Variants in RBM33 observed in about 807,000 individuals in gnomAD.
RBM33 encodes RNA-binding protein 33.
In RBM33, 28 loss-of-function variants were observed where a neutral mutation model predicts 132.6. That is an observed-to-expected ratio of 0.21 (90% CI 0.16 to 0.29). RBM33 has a LOEUF of 0.29. Among genes scored for constraint, RBM33 ranks in the 10% least tolerant of loss-of-function variants. RBM33 has a pLI of 1.00. For synonymous variants in RBM33, 634 were observed against 593.0 expected (o/e 1.07, Z -1.01); for missense variants, 1,291 against 1,518.5 (o/e 0.85, Z 2.49).
At chr7:155,658,458 G>A (rs1798552114) in intron 1 of RBM33, among the ~76,000 whole-genome samples, 3 of 148,396 alleles carry the variant, frequency 2.0e-5, no homozygotes, top group Admixed American at 6.7e-5. Flanking sequence ...CGTGATCTTG[G>A]CCCACTGCAA....
At chr7:155,773,568 CAAAAAAAAAAAAAAAAAA>C (rs201127157) in intron 16 of RBM33, among the ~76,000 whole-genome samples, 4,125 of 50,584 alleles carry the variant, frequency 0.082, 178 homozygotes, top group Admixed American at 0.14. Context: ...ACTCCATCTC[CAAAAAAAAAAAAAAAAAA>C]AAAAAAAAAG....
intron 5 of RBM33, among the ~76,000 whole-genome samples, chr7:155,682,424 T>C (rs1414633734): frequency 6.6e-6 from 1 of 152,222 alleles, no homozygotes; most frequent in African/African-American, 2.4e-5. Flanking sequence ...GGTGTGTTTG[T>C]ATGCTCTTAA....
intron 2 of RBM33, 85 bp downstream of exon 2, chr7:155,665,338 G>T: frequency 8.3e-7 from 1 of 1,205,820 alleles, no homozygotes; most frequent in South Asian, 1.2e-5. Flanking sequence ...TTTACTGAAC[G>T]CAGCACCTTG....
rs564204449 is a variant in RBM33 at position 155,698,277 on chromosome 7, G to C, written c.568-2496G>C. ...AGCTACTCGGGAGGCTGAAGCAGGA[G>C]AATTGCTTGAACCTGGGAGGCAGAG... On this transcript the variant is annotated intron_variant, in intron 5 of 17. Coordinates refer to ENST00000401878, the MANE Select transcript of RBM33 (RefSeq NM_053043.3). 1.4e-3 allele frequency among the ~76,000 whole-genome samples: 216 copies of C among 152,248 alleles called. 4 individuals carry two copies. The highest frequency in any genetic ancestry group is 5.0e-3 in the African/African-American group (206 of 41,540).
chr7:155,745,227 A>C lies in RBM33; in HGVS notation c.2604A>C (p.Gln868His). ...CCTTTCCAGGTGCACAGGTCAGACA[A>C]AATGTGAAGAACAGACTTCTTGTTA... ...LLPFPGAQVR[Q>H]NVKNRLLVKN... Residue 868 changes from glutamine to histidine, a missense_variant, in exon 14 of 18, where the codon CAA (glutamine) becomes CAC (histidine). By Grantham distance (24) the Gln-to-His change is conservative. This residue lies in a region of RBM33 where 841 missense variants were observed against 912.0 expected (regional missense o/e 0.92). Transcript: ENST00000401878. This position sits in a 1 kb window ranked among gnomAD's most constrained non-coding sequence, Gnocchi z 4.1. 1 of 1,612,646 alleles carries C rather than the reference A, an allele frequency of 6.2e-7. No individual in the cohort carries two copies. Among genetic ancestry groups the C allele is most frequent in the Non-Finnish European group, 8.5e-7 (1 of 1,179,248 alleles).
chr7:155,663,914 T>C (rs1485386037), intron 1 of RBM33, among the ~76,000 whole-genome samples: 1 of 152,202 alleles, frequency 6.6e-6, no homozygotes, highest in Non-Finnish European at 1.5e-5. Context: ...AAAGATAACT[T>C]TGTCAGGTGC....
Position 155,775,023 on chromosome 7 carries a change from G to C in RBM33, c.3495G>C (p.Val1165=). 6.2e-7 allele frequency: 1 copy of C among 1,613,404 alleles called. No homozygotes were observed. Among genetic ancestry groups the C allele is most frequent in the Non-Finnish European group, 8.5e-7 (1 of 1,179,448 alleles). Residue 1165 remains valine, a synonymous_variant, in exon 18 of 18, where the codon GTG becomes GTC. Transcript: ENST00000401878. ...RHMIDLSHIN[V]ALIVE Reference sequence around the variant, plus strand: ...TGATAGATTTGTCCCACATAAATGTGGCCCTGATCGTGGAGTGAGTCCTAA... The same window carrying C: ...TGATAGATTTGTCCCACATAAATGTCGCCCTGATCGTGGAGTGAGTCCTAA...
intron 2 of RBM33, among the ~76,000 whole-genome samples, chr7:155,670,496 T>C (rs906841689): frequency 3.9e-5 from 6 of 152,224 alleles, no homozygotes; most frequent in African/African-American, 1.4e-4. Context: ...AGAAGAAAAG[T>C]ACATGTAGTT....
rs1011945782 is a variant in RBM33 at position 155,777,267 on chromosome 7, G to A, written c.*2226G>A. 8.5e-5 allele frequency: 13 copies of A among 152,442 alleles called. No individual in the cohort carries two copies. Among genetic ancestry groups the A allele is most frequent in the African/African-American group, 1.9e-4 (8 of 41,382 alleles). The allele number at this position is 152,442 out of a possible 1,614,324, so 9.4% of individuals were successfully genotyped here. A position where few individuals can be genotyped will look rare whatever the true frequency, so the allele number is the denominator to read the frequency against. On this transcript the variant is annotated 3_prime_UTR_variant, in exon 18 of 18. Coordinates refer to ENST00000401878, the MANE Select transcript of RBM33 (RefSeq NM_053043.3). ...GTGTGACACAGGCCCTGGGGTGTGC[G>A]TGTTTCTCTAACTGTCTACACGTGC...
At chr7:155,701,066 G>A in intron 6 of RBM33, 122 bp downstream of exon 6, 1 of 821,690 alleles carries the variant, frequency 1.2e-6, no homozygotes, top group Non-Finnish European at 2.1e-6. Context: ...GCCGTCCGGA[G>A]AGTGGCCGGA....
At chr7:155,743,901 C>T (rs77650943) in intron 13 of RBM33, among the ~76,000 whole-genome samples, 6,743 of 152,230 alleles carry the variant, frequency 0.044, 504 homozygotes, top group African/African-American at 0.15. Flanking sequence ...CCCCTGGACG[C>T]CATGTCTTGC....
At chr7:155,686,557 A>T (rs969923169) in intron 5 of RBM33, among the ~76,000 whole-genome samples, 1 of 151,600 alleles carries the variant, frequency 6.6e-6, no homozygotes, top group African/African-American at 2.4e-5. Flanking sequence ...GTATACATGC[A>T]CCATGTTGGT....
In RBM33 at chr7:155,779,388, C is replaced by T. The variant is rs949562586; in HGVS notation, c.*4347C>T. On this transcript the variant is annotated 3_prime_UTR_variant, in exon 18 of 18. Coordinates refer to ENST00000401878, the MANE Select transcript of RBM33 (RefSeq NM_053043.3). ...CACTCGGAAAGCCGCTAGTCCAGAT[C>T]GACTAGGGAGAGGCTTAGATACTTT... 2 of 152,116 alleles carry T rather than the reference C, an allele frequency of 1.3e-5. No homozygotes were observed. Among genetic ancestry groups the T allele is most frequent in the South Asian group, 2.1e-4 (1 of 4,830 alleles). The allele number at this position is 152,116 out of a possible 1,614,324, so 9.4% of individuals were successfully genotyped here.
Position 155,745,859 on chromosome 7 carries a change from G to T in RBM33, c.2979+257G>T. On this transcript the variant is annotated intron_variant, in intron 14 of 17. Coordinates refer to ENST00000401878, the MANE Select transcript of RBM33 (RefSeq NM_053043.3). This position sits in a 1 kb window ranked among gnomAD's most constrained non-coding sequence, Gnocchi z 4.1. ...CTTCCATACACAGACGGTACAGCCT[G>T]CTGCACACCTAGGCTATATGGTACA... 1 of 495,524 alleles carries T rather than the reference G, an allele frequency of 2.0e-6. No individual in the cohort carries two copies. Among genetic ancestry groups the T allele is most frequent in the Non-Finnish European group, 3.6e-6 (1 of 276,228 alleles). 30.7% of individuals were successfully genotyped at this position (495,524 alleles called of 1,614,324 possible). A position where few individuals can be genotyped will look rare whatever the true frequency, so the allele number is the denominator to read the frequency against.
rs2117095363 is a variant in RBM33 at position 155,779,069 on chromosome 7, GT to G, written c.*4029del. 1 of 152,258 alleles carries G rather than the reference GT, an allele frequency of 6.6e-6. No individual in the cohort carries two copies. Among genetic ancestry groups the G allele is most frequent in the East Asian group, 1.9e-4 (1 of 5,166 alleles). The allele number at this position is 152,258 out of a possible 1,614,324, so 9.4% of individuals were successfully genotyped here. On this transcript the variant is annotated 3_prime_UTR_variant, in exon 18 of 18. Coordinates refer to ENST00000401878, the MANE Select transcript of RBM33 (RefSeq NM_053043.3). ...GGGTGACTTCAGGCTTCCCGCTTTC[GT>G]GGTGCTCTTCCTGGGATTCGTTTTT...
intron 14 of RBM33, among the ~76,000 whole-genome samples, chr7:155,759,931 C>T (rs1563179818): frequency 9.2e-5 from 14 of 152,190 alleles, no homozygotes; most frequent in South Asian, 2.1e-4. Flanking sequence ...GGTACTGTCG[C>T]CTCTCTTTCT....
At chr7:155,769,388 C>G (rs1412832248) in intron 16 of RBM33, among the ~76,000 whole-genome samples, 5 of 152,160 alleles carry the variant, frequency 3.3e-5, no homozygotes, top group Non-Finnish European at 7.3e-5. Flanking sequence ...GCCCTAGTGA[C>G]CGACTTCTCC....
Position 155,704,792 on chromosome 7 carries a change from C to T in RBM33, c.740-2068C>T, listed in dbSNP as rs118020154. Among the ~76,000 whole-genome samples, 647 of 152,182 alleles carry T rather than the reference C, an allele frequency of 4.3e-3. 3 individuals are homozygous for T. Among genetic ancestry groups the T allele is most frequent in the East Asian group, 0.01 (53 of 5,184 alleles). On this transcript the variant is annotated intron_variant, in intron 6 of 17. Transcript: ENST00000401878. ...CCTGCTTGTACACCCACAGAATATTCTCTTGAAATAATATCATTAATTTCA... is the reference window on the plus strand; with the variant it reads ...CCTGCTTGTACACCCACAGAATATTTTCTTGAAATAATATCATTAATTTCA...
intron 3 of RBM33, among the ~76,000 whole-genome samples, chr7:155,673,484 A>G (rs1042172254): frequency 2.7e-5 from 4 of 148,662 alleles, no homozygotes; most frequent in African/African-American, 1.0e-4. Context: ...ACACGTGTGT[A>G]TATATATACA....
Sources: allele counts gnomAD v4.1 joint callset (sites outside exome capture counted in the v4.1 genomes callset), GRCh38; gene constraint gnomAD v4.1.1; regional missense constraint gnomAD v4.1.1; non-coding constraint Gnocchi (gnomAD v3.1); transcripts MANE v1.5; gene names NCBI Gene and HGNC (gene_info 2026-07-23, HGNC 2026-07-21).